Variants in CD96 observed in about 807,000 individuals in gnomAD.
The protein encoded by CD96 is T-cell surface protein tactile.
CD96 carries 70 observed loss-of-function variants against 71.3 expected under a neutral mutation model. The observed-to-expected ratio is 0.98, with a 90% CI of 0.81 to 1.20. The LOEUF (loss-of-function observed/expected upper bound fraction) is 1.20. CD96 is among the 50% of genes most tolerant of loss of function. The probability of loss-of-function intolerance (pLI) is 0.00; values close to 1 mark genes in which losing one functional copy is unlikely to be tolerated. For missense variants in CD96, 742 were observed against 677.5 expected (o/e 1.10, Z -1.06); for synonymous variants, 248 against 233.0 (o/e 1.06, Z -0.59).
At chr3:111,665,971 TG>T (rs2107827643), downstream of CD96, among the ~76,000 whole-genome samples, 1 of 152,366 alleles carries the variant, frequency 6.6e-6, no homozygotes, top group East Asian at 1.9e-4. Flanking sequence ...AATATTTATC[TG>T]TTCAATAAAT....
Position 111,647,662 on chromosome 3 carries a change from G to C in CD96, c.1597G>C (p.Glu533Gln), listed in dbSNP as rs1318696054. 2 of 1,604,892 alleles carry C rather than the reference G, an allele frequency of 1.2e-6. No individual in the cohort carries two copies. Among genetic ancestry groups the C allele is most frequent in the Admixed American group, 1.7e-5 (1 of 59,972 alleles). Residue 533 changes from glutamate to glutamine, a missense_variant, in exon 13 of 14, where the codon GAA becomes CAA. Transcript: ENST00000352690. The stretch of plus-strand genomic sequence containing the variant: ...GAGAAAATGGTGTCAGTACCAAAAA[G>C]AAATGTGAGTATAATACTAACATAT... Reference protein sequence around the residue: ...GVRKWCQYQKEIMERPPPFKP... With the variant: ...GVRKWCQYQKQIMERPPPFKP...
At chr3:111,629,242 T>C (rs932500038) in intron 10 of CD96, among the ~76,000 whole-genome samples, 7 of 152,126 alleles carry the variant, frequency 4.6e-5, no homozygotes, top group Admixed American at 3.3e-4. Context: ...AACCAAGACC[T>C]GTCAGTATGC....
intron 12 of CD96, among the ~76,000 whole-genome samples, chr3:111,640,473 C>A (rs1036061862): frequency 1.3e-5 from 2 of 151,922 alleles, no homozygotes; most frequent in African/African-American, 4.8e-5. Context: ...AACAAAGCAC[C>A]CAAAAGTCTG....
chr3:111,647,527 T>G lies in CD96; in HGVS notation c.1478-16T>G. The G allele has an allele frequency of 6.2e-7, 1 of 1,610,878 alleles. No individual in the cohort carries two copies. Among genetic ancestry groups the G allele is most frequent in the Non-Finnish European group, 8.5e-7 (1 of 1,177,308 alleles). The stretch of plus-strand genomic sequence containing the variant: ...AGTTTGGGATTAAAGTTCATCTTTC[T>G]TTATGCCCTTTTCAGGTATTGTGGT... On this transcript the variant is annotated splice_polypyrimidine_tract_variant and intron_variant, in intron 12 of 13. Coordinates refer to ENST00000352690, the MANE Select transcript of CD96 (RefSeq NM_005816.5).
intron 7 of CD96, among the ~76,000 whole-genome samples, chr3:111,605,716 C>G (rs1196770625): frequency 6.6e-6 from 1 of 152,178 alleles, no homozygotes; most frequent in African/African-American, 2.4e-5. Context: ...ATAGAACATA[C>G]ATGCATCTAG....
In CD96 at chr3:111,650,168, A is replaced by G; in HGVS notation, c.*362A>G. 1 of 273,070 alleles carries G rather than the reference A, an allele frequency of 3.7e-6. No individual in the cohort carries two copies. Among genetic ancestry groups the G allele is most frequent in the South Asian group, 4.3e-5 (1 of 23,188 alleles). 16.9% of individuals were successfully genotyped at this position (273,070 alleles called of 1,614,324 possible). On this transcript the variant is annotated 3_prime_UTR_variant, in exon 14 of 14. Coordinates refer to ENST00000352690, the MANE Select transcript of CD96 (RefSeq NM_005816.5). ...CTGTATGCCCATGCCTGATCCTCTT[A>G]TTTGAACATCTATCAACATTGTAAA...
At chr3:111,607,365 A>G (rs751924406) in intron 8 of CD96, among the ~76,000 whole-genome samples, 1 of 152,186 alleles carries the variant, frequency 6.6e-6, no homozygotes, top group Non-Finnish European at 1.5e-5. Flanking sequence ...GGTAAGGACT[A>G]TGAATTCAGC....
chr3:111,643,757 A>C (rs1282070695), intron 12 of CD96, among the ~76,000 whole-genome samples: 1 of 151,886 alleles, frequency 6.6e-6, no homozygotes, highest in African/African-American at 2.4e-5. Flanking sequence ...AAAAAATGAA[A>C]TACTTAGGAA....
chr3:111,609,112 G>T (rs958397628), intron 8 of CD96, among the ~76,000 whole-genome samples: 2 of 152,118 alleles, frequency 1.3e-5, no homozygotes, highest in African/African-American at 4.8e-5. Flanking sequence ...TGGAGAGCTC[G>T]AAAGAACGTT....
At chr3:111,640,491 G>T (rs1003689655) in intron 12 of CD96, among the ~76,000 whole-genome samples, 2 of 152,178 alleles carry the variant, frequency 1.3e-5, no homozygotes, top group Admixed American at 1.3e-4. Context: ...CTGGGATTAT[G>T]TTAAACAACC....
chr3:111,604,738 T>G (rs540004091), intron 7 of CD96, among the ~76,000 whole-genome samples: 1 of 152,222 alleles, frequency 6.6e-6, no homozygotes. Flanking sequence ...ACCAATATCT[T>G]CTGTTCCAGG....
At chr3:111,644,157 A>G (rs764322110) in intron 12 of CD96, among the ~76,000 whole-genome samples, 9 of 152,200 alleles carry the variant, frequency 5.9e-5, no homozygotes, top group East Asian at 1.9e-4. Context: ...ATGGAACAGA[A>G]TAAGCCCAAA....
intron 10 of CD96, chr3:111,633,744 C>T (rs944792761): frequency 6.5e-6 from 1 of 153,034 alleles, no homozygotes; most frequent in Non-Finnish European, 1.5e-5. Context: ...TGTGTGCATC[C>T]TGGCGGCAGA....
chr3:111,619,009 T>C (rs1394787400), intron 8 of CD96, among the ~76,000 whole-genome samples: 1 of 152,218 alleles, frequency 6.6e-6, no homozygotes, highest in Non-Finnish European at 1.5e-5. Context: ...TGGAAAATAT[T>C]TCAGTATTTC....
rs561601476 is a variant in CD96 at position 111,581,775 on chromosome 3, G to T, written c.751+2541G>T. 4.6e-5 allele frequency among the ~76,000 whole-genome samples: 7 copies of T among 152,284 alleles called. No homozygotes were observed. In the South Asian group the frequency reaches 1.2e-3, roughly 27 times the overall value. On this transcript the variant is annotated intron_variant, in intron 4 of 13. Transcript: ENST00000352690. ...TTATTCTGCTGGTATTTGTTAACAGGAGGTAAGAGATACCTCTCCATCCAT... is the reference window on the plus strand; with the variant it reads ...TTATTCTGCTGGTATTTGTTAACAGTAGGTAAGAGATACCTCTCCATCCAT...
chr3:111,571,148 C>T (rs1935964815), intron 3 of CD96: 2 of 636,500 alleles, frequency 3.1e-6, no homozygotes, highest in Non-Finnish European at 5.7e-6. Flanking sequence ...CTACCTGGGT[C>T]CCCCTTTTCC....
chr3:111,648,561 G>A (rs986988045), intron 13 of CD96, among the ~76,000 whole-genome samples: 11 of 152,246 alleles, frequency 7.2e-5, no homozygotes, highest in Admixed American at 4.6e-4. Flanking sequence ...TGCATGTTTC[G>A]TAGAATTACC....
chr3:111,555,842 A>G (rs554780216), intron 2 of CD96, among the ~76,000 whole-genome samples: 30 of 152,384 alleles, frequency 2.0e-4, no homozygotes, highest in African/African-American at 6.0e-4. Flanking sequence ...TTTTTCTTCA[A>G]ATATTTGATC....
chr3:111,552,639 C>G (rs1008278464), intron 2 of CD96, among the ~76,000 whole-genome samples: 7 of 152,036 alleles, frequency 4.6e-5, no homozygotes, highest in Admixed American at 3.3e-4. Flanking sequence ...AATGAATGGG[C>G]CTGACTGTGT....
Sources: gnomAD v4.1 joint callset for allele counts (sites outside exome capture counted in the v4.1 genomes callset) on GRCh38, gnomAD v4.1.1 for gene constraint, MANE v1.5 for transcripts, NCBI Gene and HGNC (gene_info 2026-07-23, HGNC 2026-07-21) for gene names.